Variants in MGAT4C observed in about 807,000 individuals in gnomAD.
MGAT4C encodes the protein MGAT4 family member C, also known as alpha-1,3-mannosyl-glycoprotein 4-beta-N-acetylglucosaminyltransferase C.
Under a neutral mutation model 40.1 loss-of-function variants are expected in MGAT4C, and 19 were observed. The ratio of observed to expected loss-of-function variants is 0.47; its 90% CI spans 0.33 to 0.70. MGAT4C has a LOEUF of 0.70. Among genes scored for constraint, MGAT4C ranks in the 30% least tolerant of loss-of-function variants. The pLI is 0.02. For missense variants in MGAT4C, 491 were observed against 563.2 expected, an observed-to-expected ratio of 0.87 and a Z score of 1.30; for synonymous variants, 181 against 187.1, an observed-to-expected ratio of 0.97 and a Z score of 0.27.
intron 1 of MGAT4C, among the ~76,000 whole-genome samples, chr12:86,088,826 G>A (rs561088675): frequency 2.1e-4 from 32 of 152,146 alleles, no homozygotes; most frequent in Non-Finnish European, 4.1e-4. Context: ...GTTGTGGAAA[G>A]CAGTGTGGTG....
intron 1 of MGAT4C, among the ~76,000 whole-genome samples, chr12:86,096,657 T>C (rs181868350): frequency 6.6e-6 from 1 of 151,782 alleles, no homozygotes; most frequent in Non-Finnish European, 1.5e-5. Flanking sequence ...TGTTCTTTTA[T>C]ATCCTCTATC....
chr12:86,404,047 G>A (rs1384664949), intron 3 of MGAT4C, among the ~76,000 whole-genome samples: 3 of 152,070 alleles, frequency 2.0e-5, no homozygotes, highest in African/African-American at 7.2e-5. Context: ...ACTGGTCATG[G>A]TGGTGTTCAC....
At chr12:86,520,508 C>A (rs1958774233) in intron 2 of MGAT4C, among the ~76,000 whole-genome samples, 1 of 152,060 alleles carries the variant, frequency 6.6e-6, no homozygotes, top group Non-Finnish European at 1.5e-5. Context: ...CTTATCATTG[C>A]AATTGTGAAT....
chr12:86,001,078 CA>C (rs1008284726), intron 2 of MGAT4C, among the ~76,000 whole-genome samples: 3 of 152,072 alleles, frequency 2.0e-5, no homozygotes, highest in Non-Finnish European at 4.4e-5. Context: ...TCAGTTTAGC[CA>C]GAATTCCCCA....
intron 1 of MGAT4C, among the ~76,000 whole-genome samples, chr12:86,088,476 A>G (rs1180573424): frequency 6.6e-6 from 1 of 152,098 alleles, no homozygotes; most frequent in African/African-American, 2.4e-5. Context: ...CGAACTATCT[A>G]TCTAGCAAAA....
intron 1 of MGAT4C, among the ~76,000 whole-genome samples, chr12:86,733,049 G>A (rs965233210): frequency 2.6e-5 from 4 of 152,036 alleles, no homozygotes; most frequent in African/African-American, 7.2e-5. Context: ...AGATTTGGAA[G>A]AATGAAAAAT....
chr12:86,281,824 T>C (rs1360761144), intron 4 of MGAT4C, among the ~76,000 whole-genome samples: 4 of 152,128 alleles, frequency 2.6e-5, no homozygotes, highest in Non-Finnish European at 5.9e-5. Flanking sequence ...ATTTTGCCTG[T>C]TTTTTGTGAA....
intron 3 of MGAT4C, among the ~76,000 whole-genome samples, chr12:86,414,411 T>C (rs1592814829): frequency 6.6e-6 from 1 of 152,166 alleles, no homozygotes; most frequent in Admixed American, 6.6e-5. Flanking sequence ...ATCAGCAAAA[T>C]GTAGCAAGTT....
chr12:86,013,609 A>T, intron 2 of MGAT4C: 1 of 353,546 alleles, frequency 2.8e-6, no homozygotes, highest in Non-Finnish European at 4.0e-6. Context: ...ATACATATAT[A>T]AATAGAGCTA....
intron 4 of MGAT4C, among the ~76,000 whole-genome samples, chr12:86,315,530 G>A (rs1311742188): frequency 1.5e-5 from 2 of 129,192 alleles, no homozygotes; most frequent in Non-Finnish European, 3.2e-5. Flanking sequence ...GTGAAACCCC[G>A]TCTCTACTAA....
intron 1 of MGAT4C, among the ~76,000 whole-genome samples, chr12:86,165,920 A>G (rs1344177639): frequency 6.6e-6 from 1 of 152,188 alleles, no homozygotes; most frequent in Non-Finnish European, 1.5e-5. Flanking sequence ...GGCTTCATCA[A>G]TGTCAACATT....
intron 1 of MGAT4C, among the ~76,000 whole-genome samples, chr12:86,229,405 T>C (rs899651891): frequency 1.3e-5 from 2 of 151,932 alleles, no homozygotes; most frequent in South Asian, 2.1e-4. Context: ...TGGGAGAATA[T>C]AGAAAGTATA....
chr12:86,760,192 G>T (rs1951376412), intron 1 of MGAT4C, among the ~76,000 whole-genome samples: 1 of 151,956 alleles, frequency 6.6e-6, no homozygotes, highest in Non-Finnish European at 1.5e-5. Flanking sequence ...TTCAAAAAAC[G>T]GTGCTGGGAA....
rs116008430 is a variant in MGAT4C, at chr12:86,082,620, C to A, written c.-56-32897G>T. Among the ~76,000 whole-genome samples the A allele has an allele frequency of 7.9e-3, 1,196 of 152,174 alleles. 7 individuals carry two copies. Among genetic ancestry groups the A allele is most frequent in the African/African-American group, 0.028 (1,152 of 41,524 alleles). ...GTAAATGGCATATTGTAAGTTTCAG[C>A]ACAAAATGATCCAACAGAAAGTCTA... On this transcript the variant is annotated intron_variant, in intron 1 of 4. Coordinates refer to ENST00000611864, the MANE Select transcript of MGAT4C (RefSeq NM_001351288.2).
chr12:86,510,025 C>T (rs1165513250), intron 2 of MGAT4C, among the ~76,000 whole-genome samples: 1 of 152,112 alleles, frequency 6.6e-6, no homozygotes, highest in Non-Finnish European at 1.5e-5. Flanking sequence ...AATTTGACTT[C>T]CTCTTTTCCT....
At chr12:86,025,313 A>G (rs1197375208) in intron 2 of MGAT4C, among the ~76,000 whole-genome samples, 1 of 151,756 alleles carries the variant, frequency 6.6e-6, no homozygotes, top group African/African-American at 2.4e-5. Flanking sequence ...CCTATGTTCA[A>G]TCTTGTAATC....
chr12:86,286,686 C>T (rs1953360040), intron 4 of MGAT4C, among the ~76,000 whole-genome samples: 1 of 151,938 alleles, frequency 6.6e-6, no homozygotes, highest in Admixed American at 6.6e-5. Flanking sequence ...TTTTGTCATC[C>T]AGGTAATAAG....
chr12:86,186,883 A>G, intron 1 of MGAT4C, among the ~76,000 whole-genome samples: 1 of 152,068 alleles, frequency 6.6e-6, no homozygotes, highest in East Asian at 1.9e-4. Flanking sequence ...GTGGGTCTTC[A>G]TGTGAATAAG....
intron 2 of MGAT4C, among the ~76,000 whole-genome samples, chr12:86,706,715 C>T (rs1950465917): frequency 6.6e-6 from 1 of 152,068 alleles, no homozygotes; most frequent in Admixed American, 6.6e-5. Flanking sequence ...CCAAATGGCA[C>T]AAGGGAAAAA....
Sources: allele counts gnomAD v4.1 joint callset (sites outside exome capture counted in the v4.1 genomes callset), GRCh38; gene constraint gnomAD v4.1.1; transcripts MANE v1.5; gene names NCBI Gene and HGNC (gene_info 2026-07-23, HGNC 2026-07-21).